GRID2: variants seen among roughly 807,000 people sequenced by gnomAD.
GRID2 encodes the protein glutamate receptor ionotropic, delta-2.
Under a neutral mutation model 114.8 loss-of-function variants are expected in GRID2, and 33 were observed. The ratio of observed to expected loss-of-function variants is 0.29; its 90% CI spans 0.22 to 0.38. The LOEUF is 0.38. Ranked by LOEUF, GRID2 falls within the 10% of genes least tolerant of loss-of-function variation. The pLI is 1.00. For missense variants in GRID2, 1,184 were observed against 1,257.7 expected, an observed-to-expected ratio of 0.94 and a Z score of 0.89; for synonymous variants, 505 against 449.9, an observed-to-expected ratio of 1.12 and a Z score of -1.55.
chr4:93,307,132 G>A (rs1395015403), intron 8 of GRID2, among the ~76,000 whole-genome samples: 3 of 151,724 alleles, frequency 2.0e-5, no homozygotes, highest in African/African-American at 7.3e-5. Flanking sequence ...GACCCGGGAG[G>A]TGGATGTTGC....
chr4:93,018,988 G>T (rs1305488345), intron 2 of GRID2, among the ~76,000 whole-genome samples: 1 of 152,074 alleles, frequency 6.6e-6, no homozygotes, highest in Non-Finnish European at 1.5e-5. Context: ...ATATTTAGTA[G>T]TATTTTATTT....
At chr4:92,714,302 T>A (rs906874986) in intron 2 of GRID2, among the ~76,000 whole-genome samples, 1 of 152,220 alleles carries the variant, frequency 6.6e-6, no homozygotes, top group Non-Finnish European at 1.5e-5. Context: ...TCCCACAGTC[T>A]TGGGGGCTGC....
Position 93,362,996 on chromosome 4 carries a change from G to A in GRID2, c.1246-32611G>A, listed in dbSNP as rs533631142. On this transcript the variant is annotated intron_variant, in intron 8 of 15. Transcript: ENST00000282020. ...GCACTTTGACAGGCTGAGGCAGGTT[G>A]ATTGTTTGAGGCCAGGAGTTCGGGA... 1.2e-4 allele frequency among the ~76,000 whole-genome samples: 19 copies of A among 152,280 alleles called. No homozygotes were observed. The South Asian group carries it at 3.9e-3, about 32-fold the overall frequency.
Position 93,769,802 on chromosome 4 carries a change from C to A in GRID2, c.2601+352C>A, listed in dbSNP as rs1733969035. On this transcript the variant is annotated intron_variant, in intron 15 of 15. Coordinates refer to ENST00000282020, the MANE Select transcript of GRID2 (RefSeq NM_001510.4). The stretch of plus-strand genomic sequence containing the variant: ...CAGAGATACTTACCATTTTGTTTCA[C>A]TTAGTTGTTTAACTTGTAAGTAAAT... Among the ~76,000 whole-genome samples the A allele has an allele frequency of 2.6e-5, 4 of 152,146 alleles. 1 individual carries two copies. The highest frequency in any genetic ancestry group is 2.6e-4 in the Admixed American group (4 of 15,260).
intron 1 of GRID2, among the ~76,000 whole-genome samples, chr4:92,322,428 GA>G (rs1467615564): frequency 6.6e-6 from 1 of 151,956 alleles, no homozygotes; most frequent in Non-Finnish European, 1.5e-5. Flanking sequence ...ATACTATTAA[GA>G]TAGCTCTTGG....
At chr4:93,319,885 G>T (rs1017994628) in intron 8 of GRID2, 27 of 152,208 alleles carry the variant, frequency 1.8e-4, no homozygotes, top group African/African-American at 6.5e-4. Flanking sequence ...TAAGAGTCCA[G>T]CCTACCCAAT....
intron 2 of GRID2, among the ~76,000 whole-genome samples, chr4:92,707,878 C>A (rs1735029893): frequency 6.6e-6 from 1 of 152,030 alleles, no homozygotes; most frequent in Admixed American, 6.6e-5. Flanking sequence ...GTGATGAATT[C>A]TGTGAGAGAA....
At chr4:92,531,218 T>C (rs1024256292) in intron 1 of GRID2, among the ~76,000 whole-genome samples, 1 of 152,128 alleles carries the variant, frequency 6.6e-6, no homozygotes, top group Non-Finnish European at 1.5e-5. Context: ...TTTCTTGTAG[T>C]AGTCTCTCTT....
At chr4:92,969,458 T>C (rs1753362663) in intron 2 of GRID2, among the ~76,000 whole-genome samples, 1 of 151,572 alleles carries the variant, frequency 6.6e-6, no homozygotes, top group South Asian at 2.1e-4. Context: ...ATCCATGTTA[T>C]ATAATGAGGG....
chr4:92,980,537 T>C (rs1344321805), intron 2 of GRID2, among the ~76,000 whole-genome samples: 1 of 152,084 alleles, frequency 6.6e-6, no homozygotes, highest in Admixed American at 6.6e-5. Context: ...TCCTAGAATA[T>C]GCATCCCTTA....
At chr4:93,663,616 G>C (rs1723693834) in intron 14 of GRID2, among the ~76,000 whole-genome samples, 1 of 152,172 alleles carries the variant, frequency 6.6e-6, no homozygotes, top group South Asian at 2.1e-4. Context: ...AGGCTCTAAG[G>C]ATCAGGCAGT....
At chr4:92,566,933 G>C (rs761529502) in intron 1 of GRID2, among the ~76,000 whole-genome samples, 2 of 151,982 alleles carry the variant, frequency 1.3e-5, no homozygotes, top group African/African-American at 4.8e-5. Flanking sequence ...TTTCTGAAGA[G>C]CTGCCCACTC....
At chr4:93,039,642 A>G (rs1725298370) in intron 2 of GRID2, among the ~76,000 whole-genome samples, 1 of 152,150 alleles carries the variant, frequency 6.6e-6, no homozygotes, top group Non-Finnish European at 1.5e-5. Context: ...AACAGTGTCT[A>G]TAAGACTGTA....
intron 2 of GRID2, among the ~76,000 whole-genome samples, chr4:92,784,439 TTAATA>T (rs1479737679): frequency 1.6e-4 from 24 of 151,888 alleles, no homozygotes; most frequent in African/African-American, 5.8e-4. Flanking sequence ...AAGTTATAAT[TTAATA>T]TATTTTATCT....
rs562844771 is a variant in GRID2, at chr4:92,389,325, C to T, written c.88+84581C>T. On this transcript the variant is annotated intron_variant, in intron 1 of 15. Transcript: ENST00000282020. ...CAGTATGGGGTTTGAAAATTTACAA[C>T]TTCAAAAACTATTTTCCTTAAATAA... Among the ~76,000 whole-genome samples, 9 of 152,022 alleles carry T rather than the reference C, an allele frequency of 5.9e-5. No homozygotes were observed. The South Asian group carries it at 1.7e-3, about 28-fold the overall frequency.
At chr4:92,750,655 T>G (rs552259609) in intron 2 of GRID2, among the ~76,000 whole-genome samples, 3 of 152,316 alleles carry the variant, frequency 2.0e-5, no homozygotes, top group South Asian at 2.1e-4. Context: ...TAATACATTT[T>G]GAAAAGTTCC....
intron 1 of GRID2, among the ~76,000 whole-genome samples, chr4:92,412,837 G>A (rs1731403957): frequency 6.6e-6 from 1 of 152,122 alleles, no homozygotes; most frequent in Admixed American, 6.6e-5. Flanking sequence ...TGTAGCAAAT[G>A]TCTTCTTCTC....
At chr4:93,266,269 C>T (rs536019818) in intron 8 of GRID2, among the ~76,000 whole-genome samples, 48 of 152,148 alleles carry the variant, frequency 3.2e-4, no homozygotes, top group African/African-American at 4.6e-4. Context: ...CAATTTTATT[C>T]GAGGACCTAC....
chr4:92,818,211 T>A (rs867272743), intron 2 of GRID2, among the ~76,000 whole-genome samples: 3 of 151,888 alleles, frequency 2.0e-5, no homozygotes, highest in African/African-American at 2.4e-5. Flanking sequence ...ATAAGCAGAA[T>A]AACAGTATTT....
Sources: gnomAD v4.1 joint callset for allele counts (sites outside exome capture counted in the v4.1 genomes callset) on GRCh38, gnomAD v4.1.1 for gene constraint, MANE v1.5 for transcripts, NCBI Gene and HGNC (gene_info 2026-07-23, HGNC 2026-07-21) for gene names.